The following PLCD4 variants were observed in gnomAD, a reference collection of about 807,000 sequenced individuals.
PLCD4 encodes the protein 1-phosphatidylinositol 4,5-bisphosphate phosphodiesterase delta-4.
Under a neutral mutation model 90.2 loss-of-function variants are expected in PLCD4, and 63 were observed. The observed-to-expected ratio is 0.70, with a 90% CI of 0.57 to 0.86. The LOEUF is 0.86. Among genes scored for constraint, PLCD4 ranks in the 40% least tolerant of loss-of-function variants. PLCD4 has a pLI of 0.00. For missense variants in PLCD4, 830 were observed against 956.3 expected, an observed-to-expected ratio of 0.87 and a Z score of 1.74; for synonymous variants, 294 against 356.5, an observed-to-expected ratio of 0.82 and a Z score of 1.97.
At chr2:218,611,533 TG>T (rs2106115274) in intron 1 of PLCD4, among the ~76,000 whole-genome samples, 1 of 152,292 alleles carries the variant, frequency 6.6e-6, no homozygotes, top group Admixed American at 6.5e-5. Flanking sequence ...TAAGCCAGGA[TG>T]TTGGCAGAAG....
intron 1 of PLCD4, among the ~76,000 whole-genome samples, chr2:218,613,429 C>T (rs893763571): frequency 7.0e-6 from 1 of 143,846 alleles, no homozygotes; most frequent in Admixed American, 7.0e-5. Flanking sequence ...TAACATTTTT[C>T]AGGTAGAGAT....
At chr2:218,615,219 CA>C (rs1426111863) in intron 1 of PLCD4, among the ~76,000 whole-genome samples, 1 of 151,058 alleles carries the variant, frequency 6.6e-6, no homozygotes, top group Non-Finnish European at 1.5e-5. Context: ...CACTCCGTAT[CA>C]AAAAAAAGAA....
In PLCD4 at chr2:218,617,858, G is replaced by A. The variant is rs143983892; in HGVS notation, c.182-721G>A. 3.5e-3 allele frequency among the ~76,000 whole-genome samples: 533 copies of A among 152,188 alleles called. 5 individuals are homozygous for A. Among genetic ancestry groups the A allele is most frequent in the Non-Finnish European group, 4.8e-3 (324 of 67,998 alleles). On this transcript the variant is annotated intron_variant, in intron 3 of 15. Transcript: ENST00000450993. ...TCCCAGCACTTTGGGAGGCCTAGGC[G>A]GGTGGATCACGAGGTCAGGAGATTG...
intron 1 of PLCD4, among the ~76,000 whole-genome samples, chr2:218,613,542 C>A (rs1695443654): frequency 6.6e-6 from 1 of 151,998 alleles, no homozygotes; most frequent in Non-Finnish European, 1.5e-5. Flanking sequence ...TTGTCTGTTT[C>A]AGCACGACCT....
At chr2:218,635,700 C>T in intron 13 of PLCD4, 96 bp from the exon 14 acceptor site, 1 of 1,464,950 alleles carries the variant, frequency 6.8e-7, no homozygotes, top group Non-Finnish European at 9.1e-7. Context: ...GGATGTTTTA[C>T]AAACCAAAAA....
intron 1 of PLCD4, among the ~76,000 whole-genome samples, chr2:218,608,769 G>T (rs140481880): frequency 1.3e-5 from 2 of 152,058 alleles, no homozygotes; most frequent in Non-Finnish European, 2.9e-5. Flanking sequence ...TAGATTTTTG[G>T]GTAGGGCTAA....
chr2:218,613,301 C>T (rs572963360), intron 1 of PLCD4, among the ~76,000 whole-genome samples: 21 of 147,322 alleles, frequency 1.4e-4, no homozygotes, highest in African/African-American at 4.0e-4. Context: ...TGAGGCAGGA[C>T]AGTCGCTTGA....
chr2:218,608,982 C>T (rs947201342), intron 1 of PLCD4, among the ~76,000 whole-genome samples: 5 of 151,680 alleles, frequency 3.3e-5, no homozygotes, highest in Non-Finnish European at 7.4e-5. Flanking sequence ...ACTGAAAATA[C>T]AAAAAATTAG....
rs955901048 is a variant in PLCD4 at position 218,622,568 on chromosome 2, A to T, written c.541-79A>T. On this transcript the variant is annotated intron_variant, in intron 5 of 15. Transcript: ENST00000450993. The stretch of plus-strand genomic sequence containing the variant: ...ACCTACTATGTACCCAGAAAAATTT[A>T]AAAAAAAATTTTTTTAATTAAAAAG... 5.1e-4 allele frequency: 516 copies of T among 1,013,394 alleles called. 2 individuals are homozygous for T. Among genetic ancestry groups the T allele is most frequent in the Middle Eastern group, 9.0e-4 (3 of 3,324 alleles). 62.8% of individuals were successfully genotyped at this position (1,013,394 alleles called of 1,614,324 possible). A position where few individuals can be genotyped will look rare whatever the true frequency, so the allele number is the denominator to read the frequency against.
intron 1 of PLCD4, among the ~76,000 whole-genome samples, chr2:218,608,546 A>G (rs529667456): frequency 6.6e-6 from 1 of 152,310 alleles, no homozygotes; most frequent in Admixed American, 6.5e-5. Context: ...TCCATGGGCC[A>G]GAGCAGTTTC....
chr2:218,628,185 TG>T lies in PLCD4; in HGVS notation c.934del (p.Asp312ThrfsTer16), dbSNP rs1696198470. ...FICSSHNTYL[V>X]GDQLCGQSSV... ...TGCTCTTCTCATAACACCTACCTAGTGGGGGACCAGCTTTGTGGCCAGAGCA... is the reference window on the plus strand; with the variant it reads ...TGCTCTTCTCATAACACCTACCTAGTGGGGACCAGCTTTGTGGCCAGAGCA... On this transcript the variant is annotated frameshift_variant, in exon 7 of 16. Coordinates refer to ENST00000450993, the MANE Select transcript of PLCD4 (RefSeq NM_032726.4). LOFTEE classifies it high-confidence loss of function. 6.2e-7 allele frequency: 1 copy of T among 1,613,972 alleles called. No individual in the cohort carries two copies. The highest frequency in any genetic ancestry group is 8.5e-7 in the Non-Finnish European group (1 of 1,179,886).
chr2:218,615,734 T>C lies in PLCD4; in HGVS notation c.-6T>C, dbSNP rs764072200. 5 of 1,604,382 alleles carry C rather than the reference T, an allele frequency of 3.1e-6. No homozygotes were observed. The highest frequency in any genetic ancestry group is 2.7e-5 in the African/African-American group (2 of 74,598). ...GATCTGGTGCCAGCTGGTGGAACAG[T>C]GGGTGATGGCGTCCCTGCTGCAAGA... On this transcript the variant is annotated 5_prime_UTR_variant, in exon 2 of 16. Coordinates refer to ENST00000450993, the MANE Select transcript of PLCD4 (RefSeq NM_032726.4).
chr2:218,633,189 C>T (rs990289399), intron 10 of PLCD4: 1 of 583,886 alleles, frequency 1.7e-6, no homozygotes, highest in Non-Finnish European at 3.0e-6. Flanking sequence ...TGTCTGGATT[C>T]ATGTACATTT....
rs1269391636 is a variant in PLCD4 at position 218,633,647 on chromosome 2, A to G, written c.1492A>G (p.Ile498Val). 12 of 1,613,338 alleles carry G rather than the reference A, an allele frequency of 7.4e-6. No individual in the cohort carries two copies. Among genetic ancestry groups the G allele is most frequent in the Non-Finnish European group, 9.3e-6 (11 of 1,179,450 alleles). Residue 498 changes from isoleucine (I) to valine (V), a missense_variant, in exon 11 of 16, where the codon ATC becomes GTC. By Grantham distance (29) the Ile-to-Val change is conservative. Transcript: ENST00000450993. ...ILCPALSSLV[I>V]YLKSVSFRSF... ...GTGTCCAGCCCTCTCTTCCCTGGTT[A>G]TCTACTTGAAGTCTGTCTCATTCCG...
At chr2:218,620,496 G>A (rs1289068247) in intron 4 of PLCD4, among the ~76,000 whole-genome samples, 1 of 151,310 alleles carries the variant, frequency 6.6e-6, no homozygotes, top group Non-Finnish European at 1.5e-5. Flanking sequence ...GTTAGACTCT[G>A]TCTCCAAAAA....
rs1399878345 is a variant in PLCD4 at position 218,622,576 on chromosome 2, A to AT, written c.541-64dup. 122 of 1,142,282 alleles carry AT rather than the reference A, an allele frequency of 1.1e-4. 2 individuals are homozygous for AT. The highest frequency in any genetic ancestry group is 2.5e-4 in the South Asian group (14 of 55,792). 70.8% of individuals were successfully genotyped at this position (1,142,282 alleles called of 1,614,324 possible). A position where few individuals can be genotyped will look rare whatever the true frequency, so the allele number is the denominator to read the frequency against. ...TGTACCCAGAAAAATTTAAAAAAAA[A>AT]TTTTTTTAATTAAAAAGATAACATT... On this transcript the variant is annotated intron_variant, in intron 5 of 15. Coordinates refer to ENST00000450993, the MANE Select transcript of PLCD4 (RefSeq NM_032726.4).
intron 1 of PLCD4, among the ~76,000 whole-genome samples, chr2:218,611,015 A>G (rs956513016): frequency 6.6e-6 from 1 of 152,184 alleles, no homozygotes; most frequent in Non-Finnish European, 1.5e-5. Flanking sequence ...GATGTGAGCT[A>G]CCGTGCCCGG....
intron 10 of PLCD4, among the ~76,000 whole-genome samples, chr2:218,632,556 C>T (rs35255403): frequency 1.6e-4 from 24 of 152,080 alleles, no homozygotes; most frequent in African/African-American, 2.4e-4. Context: ...TGAAATCTTA[C>T]GCAAAATAGA....
chr2:218,634,820 A>G lies in PLCD4; in HGVS notation c.1896+190A>G, dbSNP rs1696619081. On this transcript the variant is annotated intron_variant, in intron 13 of 15. Coordinates refer to ENST00000450993, the MANE Select transcript of PLCD4 (RefSeq NM_032726.4). This position sits in a 1 kb window ranked among gnomAD's most constrained non-coding sequence, Gnocchi z 4.0. ...TTGGGTAATGTTGGGCAAGTTCCTT[A>G]ACCTCTCCATACCTCAGTCTGCTCA... Among the ~76,000 whole-genome samples, 1 of 152,222 alleles carries G rather than the reference A, an allele frequency of 6.6e-6. No homozygotes were observed. Among genetic ancestry groups the G allele is most frequent in the Non-Finnish European group, 1.5e-5 (1 of 68,030 alleles).
Sources: allele counts gnomAD v4.1 joint callset (sites outside exome capture counted in the v4.1 genomes callset), GRCh38; gene constraint gnomAD v4.1.1; non-coding constraint Gnocchi (gnomAD v3.1); transcripts MANE v1.5; gene names NCBI Gene and HGNC (gene_info 2026-07-23, HGNC 2026-07-21).